Variants in USP24 observed in about 807,000 individuals in gnomAD.
The protein encoded by USP24 is ubiquitin carboxyl-terminal hydrolase 24.
Under a neutral mutation model 361.6 loss-of-function variants are expected in USP24, and 97 were observed. The observed-to-expected ratio is 0.27, with a 90% CI of 0.23 to 0.32. The LOEUF (loss-of-function observed/expected upper bound fraction) is 0.32, where lower values mean the gene tolerates loss of function less well. USP24 is among the 10% of genes least tolerant of loss of function. The pLI is 1.00. For synonymous variants in USP24, 1,098 were observed against 1,124.6 expected (o/e 0.98, Z 0.47); for missense variants, 2,353 against 3,165.6 (o/e 0.74, Z 6.16).
In USP24 at chr1:55,083,834, C is replaced by T. The variant is rs1185556405; in HGVS notation, c.6820G>A (p.Val2274Ile). The change falls in exon 57 of 68, where the codon GTC (valine) becomes ATC (isoleucine). Residue 2274 changes from valine (V) to isoleucine (I), a missense_variant. This residue lies in a region of USP24 where 598 missense variants were observed against 761.9 expected (regional missense o/e 0.78). Transcript: ENST00000294383. Reference sequence around the variant, plus strand: ...GCACAGTTTTTACAATTTTCTGGGACGTCTTTGTCCAACAGAGCAAGTAGT... The same window carrying T: ...GCACAGTTTTTACAATTTTCTGGGATGTCTTTGTCCAACAGAGCAAGTAGT... The part of the protein sequence containing the change: ...EVLLALLDKD[V>I]PENCKNCAQY... The T allele has an allele frequency of 1.4e-5, 23 of 1,605,740 alleles. No homozygotes were observed. Among genetic ancestry groups the T allele is most frequent in the East Asian group, 6.7e-5 (3 of 44,692 alleles).
intron 1 of USP24, among the ~76,000 whole-genome samples, chr1:55,197,104 C>T (rs140270654): frequency 6.6e-6 from 1 of 152,266 alleles, no homozygotes; most frequent in African/African-American, 2.4e-5. Context: ...AAAACTTTTG[C>T]CCACCCCTAG....
At chr1:55,119,885 T>C (rs1211608073) in intron 38 of USP24, among the ~76,000 whole-genome samples, 2 of 152,110 alleles carry the variant, frequency 1.3e-5, no homozygotes, top group Non-Finnish European at 2.9e-5. Flanking sequence ...GTGTTTCAGT[T>C]TAGGATGATG....
At chr1:55,160,964 C>G (rs952643751) in intron 8 of USP24, among the ~76,000 whole-genome samples, 4 of 152,092 alleles carry the variant, frequency 2.6e-5, no homozygotes, top group African/African-American at 7.2e-5. Flanking sequence ...GGAACATTAG[C>G]TGTTTCTAAA....
chr1:55,089,545 T>C, intron 55 of USP24, 82 bp downstream of exon 55: 1 of 903,298 alleles, frequency 1.1e-6, no homozygotes, highest in Non-Finnish European at 1.7e-6. Context: ...CAAGTTGAAA[T>C]AAAAAGGGTT....
chr1:55,072,043 C>G (rs901085048), intron 66 of USP24, 119 bp from the exon 67 acceptor site: 3 of 902,810 alleles, frequency 3.3e-6, no homozygotes, highest in Non-Finnish European at 5.2e-6. Context: ...GAGAGTGAGG[C>G]CTTCATCACA....
intron 1 of USP24, among the ~76,000 whole-genome samples, chr1:55,205,944 A>G (rs548563027): frequency 1.3e-5 from 2 of 152,194 alleles, no homozygotes; most frequent in African/African-American, 2.4e-5. Flanking sequence ...GAATGAAAAA[A>G]TTAAGCATTT....
chr1:55,107,854 A>AC (rs1570421389), intron 39 of USP24, among the ~76,000 whole-genome samples: 12 of 148,714 alleles, frequency 8.1e-5, no homozygotes, highest in African/African-American at 1.5e-4. Flanking sequence ...AAAAAAAAAA[A>AC]AAAAAAAAAA....
intron 16 of USP24, among the ~76,000 whole-genome samples, chr1:55,151,741 C>G (rs1647199185): frequency 6.6e-6 from 1 of 151,854 alleles, no homozygotes; most frequent in African/African-American, 2.4e-5. Flanking sequence ...CCGAGGGTAC[C>G]CTGCAGAATC....
chr1:55,097,648 C>A lies in USP24; in HGVS notation c.5665G>T (p.Gly1889Trp), dbSNP rs868394196. The change falls in exon 48 of 68, where the codon GGG becomes TGG. Residue 1889 changes from glycine to tryptophan, a missense_variant. Gly to Trp is a radical substitution (Grantham distance 184). Coordinates refer to ENST00000294383, the MANE Select transcript of USP24 (RefSeq NM_015306.3). ...GAGCGTCCGCTTTCCCAGTCAAACC[C>A]AAATCTCATTAGGTGAATTACCAAG... Reference protein sequence around the residue: ...SVLVIHLMRFGFDWESGRSIK... With the variant: ...SVLVIHLMRFWFDWESGRSIK... The A allele has an allele frequency of 6.3e-7, 1 of 1,589,434 alleles. No individual in the cohort carries two copies. The highest frequency in any genetic ancestry group is 8.6e-7 in the Non-Finnish European group (1 of 1,166,716).
In USP24 at chr1:55,120,618, T is replaced by C. The variant is rs1265434959; in HGVS notation, c.4486A>G (p.Ile1496Val). ...AQLPLWSPTSIMRGVNQRLLS... is the reference protein window; with the variant it reads ...AQLPLWSPTSVMRGVNQRLLS... ...TACCTCTGATTGACTCCTCTCATAA[T>C]ACTAGTTGGAGACCAGAGAGGCAGC... Residue 1496 changes from isoleucine to valine, a missense_variant, in exon 38 of 68, where the codon ATT becomes GTT. Around this residue, in one of 8 missense-constraint regions of USP24, gnomAD observed 949 missense variants for 1,280.5 expected, o/e 0.74. Transcript: ENST00000294383. 3.2e-6 allele frequency: 5 copies of C among 1,555,826 alleles called. No homozygotes were observed. The highest frequency in any genetic ancestry group is 1.4e-5 in the African/African-American group (1 of 73,384).
At chr1:55,157,679 A>T (rs1452727700) in intron 10 of USP24, among the ~76,000 whole-genome samples, 2 of 152,022 alleles carry the variant, frequency 1.3e-5, no homozygotes, top group African/African-American at 4.8e-5. Context: ...CTAAAAATAT[A>T]AAAGATTAGC....
chr1:55,153,440 C>T (rs1444053570), intron 16 of USP24, among the ~76,000 whole-genome samples: 1 of 152,174 alleles, frequency 6.6e-6, no homozygotes, highest in African/African-American at 2.4e-5. Flanking sequence ...ACCTGAAACA[C>T]TACTATGTGC....
At position 55,074,706 on chromosome 1, in the gene USP24, G is replaced by A. The variant is rs1437077915; in HGVS notation, c.7447+751C>T. 6.6e-5 allele frequency among the ~76,000 whole-genome samples: 10 copies of A among 151,692 alleles called. 1 individual carries two copies. The highest frequency in any genetic ancestry group is 6.6e-4 in the Admixed American group (10 of 15,226). ...AAAATAAAAAATAATACTTGGTCCTGCTCTTGAGGAGTTTATAGTTTTTAA... is the reference window on the plus strand; with the variant it reads ...AAAATAAAAAATAATACTTGGTCCTACTCTTGAGGAGTTTATAGTTTTTAA... On this transcript the variant is annotated intron_variant, in intron 63 of 67. Coordinates refer to ENST00000294383, the MANE Select transcript of USP24 (RefSeq NM_015306.3).
chr1:55,115,073 T>C (rs965278294), intron 38 of USP24, among the ~76,000 whole-genome samples: 3 of 151,520 alleles, frequency 2.0e-5, no homozygotes, highest in African/African-American at 7.3e-5. Context: ...CATCGAAAAA[T>C]GGGCAAAGGA....
intron 47 of USP24, 41 bp from the exon 48 acceptor site, chr1:55,097,758 C>T: frequency 1.3e-6 from 2 of 1,518,550 alleles, no homozygotes; most frequent in South Asian, 2.6e-5. Flanking sequence ...TCTGAATGAT[C>T]TCCATGGAGA....
Position 55,129,469 on chromosome 1 carries a change from ACT to A in USP24, c.3635+6_3635+7del. 6.2e-7 allele frequency: 1 copy of A among 1,612,760 alleles called. No homozygotes were observed. The highest frequency in any genetic ancestry group is 8.5e-7 in the Non-Finnish European group (1 of 1,179,106). ...GCAACTCATGTAACATTACATTGAA[ACT>A]CTAACCTCAAACCGCCAGCTTTGAG... is the stretch of plus-strand genomic sequence containing the variant. On this transcript the variant is annotated splice_donor_region_variant and intron_variant, in intron 32 of 67. Transcript: ENST00000294383.
At chr1:55,077,163 AT>A (rs1645046072) in intron 62 of USP24, 71 bp downstream of exon 62, 1 of 1,283,840 alleles carries the variant, frequency 7.8e-7, no homozygotes, top group Non-Finnish European at 1.0e-6. Flanking sequence ...AAGACATATA[AT>A]TTTTTATTTA....
chr1:55,129,999 T>C (rs1224793109), intron 31 of USP24, among the ~76,000 whole-genome samples: 1 of 152,238 alleles, frequency 6.6e-6, no homozygotes, highest in African/African-American at 2.4e-5. Context: ...ATCTACAATG[T>C]ATCAGGCATA....
chr1:55,138,791 T>G (rs927611129), intron 25 of USP24, 73 bp from the exon 26 acceptor site: 1 of 1,312,562 alleles, frequency 7.6e-7, no homozygotes, highest in Non-Finnish European at 1.1e-6. Context: ...TATCTATGTA[T>G]ATATGATGAA....
Sources: gnomAD v4.1 joint callset for allele counts (sites outside exome capture counted in the v4.1 genomes callset) on GRCh38, gnomAD v4.1.1 for gene constraint, gnomAD v4.1.1 regional missense constraint, MANE v1.5 for transcripts, NCBI Gene and HGNC (gene_info 2026-07-23, HGNC 2026-07-21) for gene names.